TP63: variants seen among roughly 807,000 people sequenced by gnomAD.
The protein encoded by TP63 is tumor protein p63.
A neutral mutation model predicts 82.8 loss-of-function variants in TP63; 17 were observed. The ratio of observed to expected loss-of-function variants is 0.21; its 90% CI spans 0.14 to 0.31. TP63 has a LOEUF of 0.31. Among genes scored for constraint, TP63 ranks in the 10% least tolerant of loss-of-function variants. The pLI is 1.00. For missense variants in TP63, 648 were observed against 895.3 expected (o/e 0.72, Z 3.52); for synonymous variants, 330 against 321.7 (o/e 1.03, Z -0.28).
intron 10 of TP63, among the ~76,000 whole-genome samples, chr3:189,875,930 A>G (rs1382349994): frequency 2.0e-5 from 3 of 151,944 alleles, no homozygotes; most frequent in African/African-American, 7.3e-5. Flanking sequence ...ACACAACCTC[A>G]TTGTCAGATG....
At chr3:189,869,532 C>G in intron 9 of TP63, 126 bp downstream of exon 9, 1 of 781,206 alleles carries the variant, frequency 1.3e-6, no homozygotes, top group Non-Finnish European at 2.2e-6. Flanking sequence ...GTTGAAGCTG[C>G]TACAACAAAC....
chr3:189,627,423 A>T (rs1377645219), upstream of TP63, among the ~76,000 whole-genome samples: 3 of 152,206 alleles, frequency 2.0e-5, no homozygotes, highest in Non-Finnish European at 4.4e-5. Context: ...TGAGCAAAAA[A>T]AATCCAGACA....
chr3:189,831,485 C>T (rs1285939846), intron 4 of TP63, among the ~76,000 whole-genome samples: 1 of 151,932 alleles, frequency 6.6e-6, no homozygotes. Context: ...CAACCACACT[C>T]CAAGTTCAGT....
intron 1 of TP63, among the ~76,000 whole-genome samples, chr3:189,669,267 A>G (rs1489830076): frequency 6.6e-6 from 1 of 151,954 alleles, no homozygotes; most frequent in Non-Finnish European, 1.5e-5. Context: ...TTCTATGTCT[A>G]GTAAAAATAG....
rs780464690 is a variant in TP63 at position 189,889,434 on chromosome 3, C to T, written c.1602C>T (p.Thr534=). The change falls in exon 12 of 14, where the codon ACC becomes ACT. Residue 534 remains threonine, a synonymous_variant. Transcript: ENST00000264731. ...CTCCCCCACTCTCCATGCCATCCAC[C>T]TCCCACTGCACACCCCCACCTCCGT... ...ALPPPLSMPS[T]SHCTPPPPYP... 1.9e-6 allele frequency: 3 copies of T among 1,614,140 alleles called. No homozygotes were observed. The East Asian group carries it at 6.7e-5, about 36-fold the overall frequency.
chr3:189,614,546 CTTT>C, the TP63 span, among the ~76,000 whole-genome samples: 1 of 152,168 alleles, frequency 6.6e-6, no homozygotes, highest in Non-Finnish European at 1.5e-5. Context: ...GTGGGAACTT[CTTT>C]ATTTCTTTTC....
chr3:189,669,293 G>A (rs923882879), intron 1 of TP63, among the ~76,000 whole-genome samples: 2 of 151,354 alleles, frequency 1.3e-5, no homozygotes, highest in Non-Finnish European at 2.9e-5. Flanking sequence ...AAAAACAATA[G>A]CAGAATGAAG....
chr3:189,778,889 G>T (rs9809498), intron 3 of TP63, among the ~76,000 whole-genome samples: 1 of 152,198 alleles, frequency 6.6e-6, no homozygotes, highest in African/African-American at 2.4e-5. Context: ...GATTAAGATC[G>T]GTATAATATT....
intron 1 of TP63, among the ~76,000 whole-genome samples, chr3:189,645,749 T>C (rs1006530705): frequency 2.1e-5 from 3 of 146,328 alleles, no homozygotes; most frequent in African/African-American, 5.1e-5. Flanking sequence ...AGTGAGAACA[T>C]GCAGTGTTTG....
intron 3 of TP63, among the ~76,000 whole-genome samples, chr3:189,760,977 T>A (rs957112671): frequency 3.2e-4 from 49 of 152,116 alleles, no homozygotes; most frequent in African/African-American, 1.0e-3. Context: ...ACATTGCCCC[T>A]CTCAGCCACA....
chr3:189,690,553 A>G (rs1247867032), intron 1 of TP63, among the ~76,000 whole-genome samples: 1 of 152,206 alleles, frequency 6.6e-6, no homozygotes, highest in Non-Finnish European at 1.5e-5. Flanking sequence ...CCCCACAGCT[A>G]CATTTTGAAG....
At chr3:189,765,941 T>G (rs748468997) in intron 3 of TP63, among the ~76,000 whole-genome samples, 30 of 152,190 alleles carry the variant, frequency 2.0e-4, no homozygotes, top group Admixed American at 9.8e-4. Context: ...CTGTAATGGA[T>G]AAATCTCCAT....
chr3:189,875,612 A>ATATG (rs1553859688), intron 10 of TP63, among the ~76,000 whole-genome samples: 1 of 67,662 alleles, frequency 1.5e-5, no homozygotes, highest in Non-Finnish European at 3.5e-5. Context: ...ATATATATAT[A>ATATG]TATATATATA....
intron 1 of TP63, among the ~76,000 whole-genome samples, chr3:189,682,399 G>T (rs1715991644): frequency 6.7e-6 from 1 of 148,876 alleles, no homozygotes; most frequent in African/African-American, 2.5e-5. Flanking sequence ...GTTTCTAGGA[G>T]GGGGGTACCT....
intron 3 of TP63, among the ~76,000 whole-genome samples, chr3:189,792,815 T>C (rs1725293694): frequency 6.6e-6 from 1 of 152,014 alleles, no homozygotes; most frequent in Admixed American, 6.6e-5. Context: ...AGAAAAAAAG[T>C]GTGGAGACAG....
intron 1 of TP63, among the ~76,000 whole-genome samples, chr3:189,691,338 CAAAAAAAA>C (rs781098833): frequency 1.5e-5 from 1 of 67,116 alleles, no homozygotes; most frequent in African/African-American, 5.6e-5. Flanking sequence ...GACTCCATCT[CAAAAAAAA>C]AAAAAAAAAA....
intron 1 of TP63, among the ~76,000 whole-genome samples, chr3:189,678,314 A>G (rs1394954678): frequency 1.3e-5 from 2 of 152,086 alleles, no homozygotes; most frequent in Non-Finnish European, 2.9e-5. Context: ...GCATATGGCT[A>G]TACAATTTTC....
At chr3:189,861,363 A>G (rs1014155643) in intron 4 of TP63, among the ~76,000 whole-genome samples, 1 of 149,814 alleles carries the variant, frequency 6.7e-6, no homozygotes, top group Non-Finnish European at 1.5e-5. Flanking sequence ...TTGGGTGATG[A>G]TCCTATGGTG....
rs534723180 is a variant in TP63 at position 189,716,381 on chromosome 3, T to TAGAATCTTA, written c.63-21359_63-21358insAGAATCTTA. ...AAAATTTGTTTAGATTCTTAGTCAC[T>TAGAATCTTA]GGACTTTGTGGAAAGAATGTCATAA... On this transcript the variant is annotated intron_variant, in intron 1 of 13. Coordinates refer to ENST00000264731, the MANE Select transcript of TP63 (RefSeq NM_003722.5). Among the ~76,000 whole-genome samples the TAGAATCTTA allele has an allele frequency of 6.3e-4, 95 of 151,942 alleles. 1 individual carries two copies. The East Asian group carries it at 0.012, about 19-fold the overall frequency.
Sources: gnomAD v4.1 joint callset for allele counts (sites outside exome capture counted in the v4.1 genomes callset) on GRCh38, gnomAD v4.1.1 for gene constraint, MANE v1.5 for transcripts, NCBI Gene and HGNC (gene_info 2026-07-23, HGNC 2026-07-21) for gene names.